AVEN: variants seen among roughly 807,000 people sequenced by gnomAD.
AVEN encodes cell death regulator Aven.
In AVEN, 41 loss-of-function variants were observed where a neutral mutation model predicts 38.1. The ratio of observed to expected loss-of-function variants is 1.08; its 90% CI spans 0.84 to 1.40. AVEN has a LOEUF of 1.40. AVEN is among the 40% of genes most tolerant of loss of function. The pLI is 0.00. For missense variants in AVEN, 605 were observed against 438.8 expected, an observed-to-expected ratio of 1.38 and a Z score of -3.38; for synonymous variants, 206 against 171.8, an observed-to-expected ratio of 1.20 and a Z score of -1.56.
At chr15:33,996,964 A>G (rs1014560650) in intron 2 of AVEN, among the ~76,000 whole-genome samples, 16 of 152,248 alleles carry the variant, frequency 1.1e-4, no homozygotes, top group African/African-American at 3.9e-4. Context: ...GCTTGAAAAA[A>G]GATTAGATGA....
intron 2 of AVEN, among the ~76,000 whole-genome samples, chr15:33,942,245 C>T (rs766458948): frequency 6.6e-6 from 1 of 152,164 alleles, no homozygotes; most frequent in Non-Finnish European, 1.5e-5. Flanking sequence ...TTTAAGATCA[C>T]ATTTTTTTAT....
At chr15:34,016,742 G>A (rs911602115) in intron 1 of AVEN, among the ~76,000 whole-genome samples, 14 of 152,246 alleles carry the variant, frequency 9.2e-5, no homozygotes, top group Middle Eastern at 3.4e-3. Flanking sequence ...TTAAACCAGC[G>A]TAACCGTTTG....
intron 2 of AVEN, among the ~76,000 whole-genome samples, chr15:33,894,924 T>A (rs1420326852): frequency 6.6e-6 from 1 of 151,606 alleles, no homozygotes; most frequent in East Asian, 1.9e-4. Flanking sequence ...TATCCTTAGA[T>A]GGCAATTGCT....
intron 2 of AVEN, chr15:33,969,046 G>A (rs892961327): frequency 3.3e-5 from 5 of 151,960 alleles, no homozygotes; most frequent in African/African-American, 9.7e-5. Flanking sequence ...TAAAACACTG[G>A]CAAAATAAAA....
intron 2 of AVEN, among the ~76,000 whole-genome samples, chr15:33,925,412 C>A (rs1893572246): frequency 6.6e-6 from 1 of 152,282 alleles, no homozygotes; most frequent in Middle Eastern, 3.4e-3. Context: ...TGGCTAAAGA[C>A]TTTAGTGAAG....
At chr15:33,932,386 T>G (rs1298330907) in intron 2 of AVEN, among the ~76,000 whole-genome samples, 3 of 152,188 alleles carry the variant, frequency 2.0e-5, no homozygotes, top group Non-Finnish European at 2.9e-5. Context: ...ACAGACATAG[T>G]TCCCAGGACA....
At chr15:33,895,874 G>C (rs530813268) in intron 2 of AVEN, among the ~76,000 whole-genome samples, 1 of 152,192 alleles carries the variant, frequency 6.6e-6, no homozygotes, top group African/African-American at 2.4e-5. Context: ...AGCCATGATG[G>C]AGGCTAGGGA....
chr15:33,857,304 T>C (rs1013211679), downstream of AVEN, among the ~76,000 whole-genome samples: 1 of 152,072 alleles, frequency 6.6e-6, no homozygotes, highest in Non-Finnish European at 1.5e-5. Flanking sequence ...CAGCACCCTC[T>C]CGCTGCCGCT....
rs1897210833 is a variant in AVEN, at chr15:34,003,272, C to A, written c.268-63G>T. ...GAAATCCTGACCTTAGTAGACTTCC[C>A]AGTAAAACAAAAAAGTACATGGACA... On this transcript the variant is annotated intron_variant, in intron 1 of 5. Coordinates refer to ENST00000306730, the MANE Select transcript of AVEN (RefSeq NM_020371.3). 14 of 1,465,078 alleles carry A rather than the reference C, an allele frequency of 9.6e-6. No homozygotes were observed. The Admixed American group carries it at 1.2e-4, about 13-fold the overall frequency. 90.8% of individuals were successfully genotyped at this position (1,465,078 alleles called of 1,614,324 possible).
At chr15:33,861,355 T>G (rs969250071), downstream of AVEN, among the ~76,000 whole-genome samples, 13 of 152,182 alleles carry the variant, frequency 8.5e-5, no homozygotes, top group African/African-American at 3.1e-4. Flanking sequence ...AGACGTGTGT[T>G]GTGGACAATT....
intron 2 of AVEN, among the ~76,000 whole-genome samples, chr15:33,982,967 G>T (rs1371664154): frequency 6.6e-6 from 1 of 151,746 alleles, no homozygotes; most frequent in African/African-American, 2.4e-5. Flanking sequence ...ACTCCTGTTG[G>T]GATAATTTTT....
intron 5 of AVEN, among the ~76,000 whole-genome samples, chr15:34,060,205 C>T (rs1900289141): frequency 6.6e-6 from 1 of 152,042 alleles, no homozygotes; most frequent in African/African-American, 2.4e-5. Flanking sequence ...GTTGATAACA[C>T]CGAGGTATTA....
intron 2 of AVEN, among the ~76,000 whole-genome samples, chr15:33,918,510 A>G (rs183928505): frequency 0.02 from 2,236 of 113,102 alleles, 36 homozygotes; most frequent in Non-Finnish European, 0.025. Flanking sequence ...TCTGTCACCC[A>G]GATTGAAGTG....
At chr15:33,853,708 C>G in the AVEN span, 38 of 1,606,150 alleles carry the variant, frequency 2.4e-5, no homozygotes, top group Admixed American at 6.9e-5. Context: ...GAGTTCAAAT[C>G]CAAAGCAGCT....
chr15:33,945,596 T>G (rs190412400), intron 2 of AVEN, among the ~76,000 whole-genome samples: 2 of 151,420 alleles, frequency 1.3e-5, no homozygotes, highest in African/African-American at 4.9e-5. Context: ...TTTGTTTTGG[T>G]TTTTTTTTGA....
chr15:33,870,878 C>T, intron 4 of AVEN, 57 bp downstream of exon 4: 1 of 1,315,326 alleles, frequency 7.6e-7, no homozygotes, highest in Non-Finnish European at 1.1e-6. Context: ...AAGTGTTCCC[C>T]TCTTTTTCTC....
intron 4 of AVEN, among the ~76,000 whole-genome samples, chr15:33,869,238 G>A (rs896759839): frequency 5.3e-5 from 8 of 152,266 alleles, no homozygotes; most frequent in African/African-American, 1.9e-4. Context: ...TAACTCCCCA[G>A]GTGATTCTAA....
At chr15:33,918,725 G>T (rs1263434392) in intron 2 of AVEN, among the ~76,000 whole-genome samples, 1 of 151,964 alleles carries the variant, frequency 6.6e-6, no homozygotes, top group Non-Finnish European at 1.5e-5. Flanking sequence ...GAAGTGCTGG[G>T]ATTATAGGCA....
downstream of AVEN, chr15:33,865,264 A>ACTTCCCATGAAAT (rs1890112733): frequency 6.9e-7 from 1 of 1,455,492 alleles, no homozygotes; most frequent in African/African-American, 1.4e-5. Flanking sequence ...TGGACAGTCA[A>ACTTCCCATGAAAT]CTTCCCATGA....
Sources: gnomAD v4.1 joint callset for allele counts (sites outside exome capture counted in the v4.1 genomes callset) on GRCh38, gnomAD v4.1.1 for gene constraint, MANE v1.5 for transcripts, NCBI Gene and HGNC (gene_info 2026-07-23, HGNC 2026-07-21) for gene names.